Variants in GDF10 observed in about 807,000 individuals in gnomAD.
The protein encoded by GDF10 is growth/differentiation factor 10.
In GDF10, 23 loss-of-function variants were observed where a neutral mutation model predicts 32.1. That is an observed-to-expected ratio of 0.72 (90% CI 0.52 to 1.02). The LOEUF is 1.02. Ranked by LOEUF, GDF10 falls within the 50% of genes least tolerant of loss-of-function variation. The pLI is 0.00. For synonymous variants in GDF10, 328 were observed against 303.1 expected (o/e 1.08, Z -0.85); for missense variants, 764 against 673.9 (o/e 1.13, Z -1.48).
At chr10:47,304,327 G>A (rs1000993495) in intron 1 of GDF10, among the ~76,000 whole-genome samples, 18 of 152,092 alleles carry the variant, frequency 1.2e-4, no homozygotes, top group East Asian at 9.7e-4. Context: ...ACGTGCATGC[G>A]TAAGGGACAG....
chr10:47,302,901 C>T (rs1205041505), intron 1 of GDF10, among the ~76,000 whole-genome samples: 3 of 152,228 alleles, frequency 2.0e-5, no homozygotes, highest in African/African-American at 7.2e-5. Context: ...GTGTGAATCC[C>T]AGCTGTACCA....
chr10:47,304,404 G>A (rs1555207055), intron 1 of GDF10, among the ~76,000 whole-genome samples: 5 of 151,892 alleles, frequency 3.3e-5, no homozygotes, highest in African/African-American at 1.2e-4. Flanking sequence ...GGAGAGAGAG[G>A]GAGGAAGAGG....
At chr10:47,308,961 G>A (rs1326717792) in intron 1 of GDF10, among the ~76,000 whole-genome samples, 2 of 152,226 alleles carry the variant, frequency 1.3e-5, no homozygotes, top group African/African-American at 2.4e-5. Context: ...CTGCCCTGGT[G>A]CCCTGGGGAA....
chr10:47,312,766 T>C lies in GDF10; in HGVS notation c.1411T>C (p.Ser471Pro). 1 of 1,596,474 alleles carries C rather than the reference T, an allele frequency of 6.3e-7. No individual in the cohort carries two copies. The change falls in exon 3 of 3, where the codon TCC becomes CCC. Residue 471 changes from serine to proline, a missense_variant. By Grantham distance (74) the Ser-to-Pro change is moderately conservative (BLOSUM62 -1). Transcript: ENST00000580279. Reference protein sequence around the residue: ...NVVLKVYPNMSVDTCACR With the variant: ...NVVLKVYPNMPVDTCACR ...GGTTCTGAAGGTGTACCCCAACATG[T>C]CCGTGGACACCTGTGCCTGCCGGTG... is the stretch of plus-strand genomic sequence containing the variant.
intron 1 of GDF10, among the ~76,000 whole-genome samples, chr10:47,306,104 T>C (rs1025679662): frequency 1.3e-5 from 2 of 152,156 alleles, no homozygotes; most frequent in Non-Finnish European, 2.9e-5. Flanking sequence ...GCTTCAGCTC[T>C]TTGTCCACAG....
chr10:47,312,067 G>A (rs975536147), intron 2 of GDF10, among the ~76,000 whole-genome samples: 1 of 131,658 alleles, frequency 7.6e-6, no homozygotes, highest in Non-Finnish European at 1.7e-5. Context: ...TTGCTAAGCT[G>A]ACAAAAAAAA....
chr10:47,300,383 C>T lies in GDF10; in HGVS notation c.-269C>T, dbSNP rs541506676. On this transcript the variant is annotated 5_prime_UTR_variant, in exon 1 of 3. Coordinates refer to ENST00000580279, the MANE Select transcript of GDF10 (RefSeq NM_004962.5). Reference sequence around the variant, plus strand: ...TCGCGGCGCGAGTCCGCCAAGGCAGCGCGCCGACTCGGGCTCGGCTCGGCT... The same window carrying T: ...TCGCGGCGCGAGTCCGCCAAGGCAGTGCGCCGACTCGGGCTCGGCTCGGCT... 2.7e-4 allele frequency: 100 copies of T among 368,790 alleles called. No individual in the cohort carries two copies. The highest frequency in any genetic ancestry group is 1.9e-3 in the African/African-American group (91 of 47,416). 22.8% of individuals were successfully genotyped at this position (368,790 alleles called of 1,614,324 possible). A position where few individuals can be genotyped will look rare whatever the true frequency, so the allele number is the denominator to read the frequency against.
rs1459216788 is a variant in GDF10 at position 47,300,459 on chromosome 10, G to C, written c.-193G>C. On this transcript the variant is annotated 5_prime_UTR_variant, in exon 1 of 3. Transcript: ENST00000580279. ...CGCTGGCCGGGGGCTCGGGCCGCCGGTACCCACGGACCGCGCGCCCGGGTG... is the reference window on the plus strand; with the variant it reads ...CGCTGGCCGGGGGCTCGGGCCGCCGCTACCCACGGACCGCGCGCCCGGGTG... 1 of 518,434 alleles carries C rather than the reference G, an allele frequency of 1.9e-6. No individual in the cohort carries two copies. Among genetic ancestry groups the C allele is most frequent in the Non-Finnish European group, 3.3e-6 (1 of 300,760 alleles). The allele number at this position is 518,434 out of a possible 1,614,324, so 32.1% of individuals were successfully genotyped here.
At chr10:47,309,497 A>G (rs1254902881) in intron 1 of GDF10, among the ~76,000 whole-genome samples, 1 of 152,200 alleles carries the variant, frequency 6.6e-6, no homozygotes, top group African/African-American at 2.4e-5. Context: ...GGAGTCCAGC[A>G]GGCCCGAATG....
Position 47,310,137 on chromosome 10 carries a change from C to T in GDF10, c.661C>T (p.Leu221Phe). 6.2e-7 allele frequency: 1 copy of T among 1,611,652 alleles called. No individual in the cohort carries two copies. The highest frequency in any genetic ancestry group is 8.5e-7 in the Non-Finnish European group (1 of 1,179,410). The stretch of plus-strand genomic sequence containing the variant: ...GGCCCGCCGGGATGGCGAGCTGCTC[C>T]TCTCCGCCCAGCTGGATTCTGAGGA... ...KAARRDGELL[L>F]SAQLDSEERD... Residue 221 changes from leucine (L) to phenylalanine (F), a missense_variant, in exon 2 of 3, where the codon CTC becomes TTC. By Grantham distance (22) the Leu-to-Phe change is conservative (BLOSUM62 0). Coordinates refer to ENST00000580279, the MANE Select transcript of GDF10 (RefSeq NM_004962.5).
In GDF10 at chr10:47,300,465, A is replaced by C. The variant is rs1158512632; in HGVS notation, c.-187A>C. On this transcript the variant is annotated 5_prime_UTR_variant, in exon 1 of 3. Transcript: ENST00000580279. ...CCGGGGGCTCGGGCCGCCGGTACCC[A>C]CGGACCGCGCGCCCGGGTGCCTGCT... The C allele has an allele frequency of 1.9e-5, 10 of 529,880 alleles. No homozygotes were observed. Among genetic ancestry groups the C allele is most frequent in the Middle Eastern group, 4.8e-4 (1 of 2,080 alleles). The allele number at this position is 529,880 out of a possible 1,614,324, so 32.8% of individuals were successfully genotyped here.
In GDF10 at chr10:47,310,736, G is replaced by A. The variant is rs2061043302; in HGVS notation, c.1245+15G>A. 4 of 1,576,988 alleles carry A rather than the reference G, an allele frequency of 2.5e-6. No individual in the cohort carries two copies. Among genetic ancestry groups the A allele is most frequent in the Admixed American group, 1.7e-5 (1 of 59,920 alleles). ...CCATGCCTAAGGTAGGGTTTCTTCCGCCTTTTGCCAAATTCTAAGGCTCAG... is the reference window on the plus strand; with the variant it reads ...CCATGCCTAAGGTAGGGTTTCTTCCACCTTTTGCCAAATTCTAAGGCTCAG... On this transcript the variant is annotated intron_variant, in intron 2 of 2. Transcript: ENST00000580279.
At chr10:47,309,677 G>GCT in intron 1 of GDF10, 119 bp from the exon 2 acceptor site, 1 of 669,818 alleles carries the variant, frequency 1.5e-6, no homozygotes. Context: ...GCAAAGCGGG[G>GCT]GAGGAGGATG....
In GDF10 at chr10:47,300,931, G is replaced by A. The variant is rs1213555972; in HGVS notation, c.280G>A (p.Gly94Arg). The change falls in exon 1 of 3, where the codon GGA becomes AGA. Residue 94 changes from glycine (G) to arginine (R), a missense_variant. Gly to Arg is a moderately radical substitution (Grantham distance 125). Coordinates refer to ENST00000580279, the MANE Select transcript of GDF10 (RefSeq NM_004962.5). ...GTACAGCCGGCAGGGCGCGCGGCCG[G>A]GAGGGGGCAACACGGTCCGCAGCTT... Reference protein sequence around the residue: ...EKYSRQGARPGGGNTVRSFRA... With the variant: ...EKYSRQGARPRGGNTVRSFRA... 1.5e-5 allele frequency: 23 copies of A among 1,544,752 alleles called. No homozygotes were observed. The highest frequency in any genetic ancestry group is 2.8e-5 in the African/African-American group (2 of 71,188).
rs782067440 is a variant in GDF10, at chr10:47,312,607, C to T, written c.1252C>T (p.Arg418Cys). The T allele has an allele frequency of 5.7e-6, 9 of 1,580,750 alleles. No homozygotes were observed. The East Asian group carries it at 6.9e-5, about 12-fold the overall frequency. The change falls in exon 3 of 3, where the codon CGT (arginine) becomes TGT (cysteine). Residue 418 changes from arginine (R) to cysteine (C), a missense_variant. By Grantham distance (180) the Arg-to-Cys change is radical. Coordinates refer to ENST00000580279, the MANE Select transcript of GDF10 (RefSeq NM_004962.5). ...CTCCTTTTCTGCCTTGCAGATCGTT[C>T]GTCCATCCAACCATGCCACCATCCA... ...ACEFPMPKIV[R>C]PSNHATIQSI...
chr10:47,304,206 C>T (rs140341456), intron 1 of GDF10, among the ~76,000 whole-genome samples: 85 of 152,152 alleles, frequency 5.6e-4, no homozygotes, highest in Admixed American at 2.6e-3. Flanking sequence ...TTAATGATAA[C>T]GCAAGGAGAG....
intron 1 of GDF10, among the ~76,000 whole-genome samples, chr10:47,306,052 G>A (rs1555207191): frequency 6.6e-6 from 1 of 152,104 alleles, no homozygotes; most frequent in African/African-American, 2.4e-5. Flanking sequence ...TCCACCCCTT[G>A]CCAACTGTGT....
chr10:47,308,817 G>A (rs2061032315), intron 1 of GDF10, among the ~76,000 whole-genome samples: 1 of 152,188 alleles, frequency 6.6e-6, no homozygotes, highest in Admixed American at 6.5e-5. Context: ...CCACTCCTCA[G>A]AAGCCTAGAG....
At chr10:47,304,257 G>A (rs571217724) in intron 1 of GDF10, among the ~76,000 whole-genome samples, 6 of 152,246 alleles carry the variant, frequency 3.9e-5, no homozygotes, top group South Asian at 4.1e-4. Flanking sequence ...TTGCAAGCAG[G>A]CCATGGAGAG....
Sources: gnomAD v4.1 joint callset for allele counts (sites outside exome capture counted in the v4.1 genomes callset) on GRCh38, gnomAD v4.1.1 for gene constraint, MANE v1.5 for transcripts, NCBI Gene and HGNC (gene_info 2026-07-23, HGNC 2026-07-21) for gene names.